NPIPB11: variants seen among roughly 807,000 people sequenced by gnomAD.
The protein encoded by NPIPB11 is nuclear pore complex interacting protein family member B11.
A neutral mutation model predicts 32.8 loss-of-function variants in NPIPB11; 17 were observed. The observed-to-expected ratio is 0.52, with a 90% CI of 0.35 to 0.78. NPIPB11 has a LOEUF of 0.78. Among genes scored for constraint, NPIPB11 ranks in the 30% least tolerant of loss-of-function variants. NPIPB11 has a pLI of 0.01. For synonymous variants in NPIPB11, 209 were observed against 398.4 expected (o/e 0.52, Z 5.66); for missense variants, 537 against 1,000.4 (o/e 0.54, Z 6.25).
intron 3 of NPIPB11, among the ~76,000 whole-genome samples, chr16:29,392,519 G>C (rs890989019): frequency 1.3e-5 from 2 of 149,762 alleles, no homozygotes; most frequent in South Asian, 2.2e-4. Context: ...AGACTAGCCT[G>C]GCCAACATGG....
chr16:29,390,441 G>C, intron 3 of NPIPB11, 93 bp from the exon 4 acceptor site: 1 of 1,585,252 alleles, frequency 6.3e-7, no homozygotes, highest in Admixed American at 1.7e-5. Context: ...TGGATCACGG[G>C]GTCAGGAGCA....
At chr16:29,397,237 C>A (rs202242056) in intron 2 of NPIPB11, among the ~76,000 whole-genome samples, 4 of 150,620 alleles carry the variant, frequency 2.7e-5, no homozygotes, top group Admixed American at 2.6e-4. Flanking sequence ...TTTTGGTCCA[C>A]TTTGTTTGTT....
chr16:29,396,926 G>C (rs1408356997), intron 2 of NPIPB11, among the ~76,000 whole-genome samples: 2 of 151,868 alleles, frequency 1.3e-5, no homozygotes, highest in Non-Finnish European at 2.9e-5. Flanking sequence ...GAGGCAGGCG[G>C]ATCACGAGGT....
At chr16:29,394,767 A>T (rs558996422) in intron 2 of NPIPB11, among the ~76,000 whole-genome samples, 7 of 143,888 alleles carry the variant, frequency 4.9e-5, no homozygotes, top group African/African-American at 1.3e-4. Context: ...TTTTTTTGAG[A>T]TGGGGTCTCA....
Position 29,397,548 on chromosome 16 carries a change from A to C in NPIPB11, c.121-3472T>G, listed in dbSNP as rs558076723. 1.3e-4 allele frequency: 191 copies of C among 1,510,234 alleles called. 1 individual carries two copies. The highest frequency in any genetic ancestry group is 8.5e-4 in the South Asian group (71 of 83,434). The allele number at this position is 1,510,234 out of a possible 1,614,324, so 93.6% of individuals were successfully genotyped here. A position where few individuals can be genotyped will look rare whatever the true frequency, so the allele number is the denominator to read the frequency against. Reference sequence around the variant, plus strand: ...GCCCAGTAAAAAGGAAGAAACCCCGAGGGTCCAGCGTCTACTCACACGGAT... The same window carrying C: ...GCCCAGTAAAAAGGAAGAAACCCCGCGGGTCCAGCGTCTACTCACACGGAT... On this transcript the variant is annotated intron_variant, in intron 2 of 7. Transcript: ENST00000524087.
At chr16:29,388,953 T>C (rs996379368) in intron 5 of NPIPB11, among the ~76,000 whole-genome samples, 2 of 136,730 alleles carry the variant, frequency 1.5e-5, no homozygotes, top group African/African-American at 5.5e-5. Flanking sequence ...TCCCAGCACA[T>C]TGGGAGGCCG....
chr16:29,401,382 C>T (rs1371586739), intron 2 of NPIPB11, among the ~76,000 whole-genome samples: 1 of 152,090 alleles, frequency 6.6e-6, no homozygotes, highest in Non-Finnish European at 1.5e-5. Context: ...TCAGTTGATT[C>T]TGAGTTCACT....
intron 2 of NPIPB11, among the ~76,000 whole-genome samples, chr16:29,394,299 C>G (rs1156525074): frequency 3.3e-5 from 5 of 152,018 alleles, no homozygotes; most frequent in Non-Finnish European, 7.4e-5. Context: ...GGGGTGTTGT[C>G]TTTCTTGGTA....
chr16:29,400,858 T>G (rs1963971970), intron 2 of NPIPB11, among the ~76,000 whole-genome samples: 1 of 152,060 alleles, frequency 6.6e-6, no homozygotes, highest in Non-Finnish European at 1.5e-5. Context: ...TGTAGGATCA[T>G]CTGGTGAGCA....
At chr16:29,394,429 C>CTTTTT (rs1248252716) in intron 2 of NPIPB11, among the ~76,000 whole-genome samples, 1 of 122,354 alleles carries the variant, frequency 8.2e-6, no homozygotes, top group Admixed American at 8.3e-5. Flanking sequence ...AAAAAAACCT[C>CTTTTT]TTTTTTTTTT....
exon 5 of NPIPB11, chr16:29,389,952 G>T: frequency 6.9e-6 from 11 of 1,591,334 alleles, no homozygotes; most frequent in Non-Finnish European, 8.5e-6. Flanking sequence ...GTTTTCTGGC[G>T]GTCTTCCTCT....
chr16:29,399,744 C>G (rs997040078), intron 2 of NPIPB11, among the ~76,000 whole-genome samples: 7 of 151,316 alleles, frequency 4.6e-5, no homozygotes, highest in East Asian at 4.0e-4. Flanking sequence ...GTTAACAAAA[C>G]TATGGAATTC....
At chr16:29,400,815 C>A (rs1963970659) in intron 2 of NPIPB11, among the ~76,000 whole-genome samples, 2 of 152,182 alleles carry the variant, frequency 1.3e-5, no homozygotes, top group East Asian at 1.9e-4. Flanking sequence ...TACAGGCAGG[C>A]ACAGAGGCAG....
chr16:29,405,955 T>A (rs1266106188), upstream of NPIPB11, among the ~76,000 whole-genome samples: 2 of 152,266 alleles, frequency 1.3e-5, no homozygotes, highest in African/African-American at 2.4e-5. Context: ...AGGGTTAAGG[T>A]TTTTATATCC....
intron 2 of NPIPB11, among the ~76,000 whole-genome samples, chr16:29,399,866 TAGG>T (rs1212540066): frequency 2.6e-4 from 40 of 151,630 alleles, no homozygotes; most frequent in African/African-American, 9.2e-4. Flanking sequence ...ATCACGAGGT[TAGG>T]AGTTCGAGAC....
intron 2 of NPIPB11, among the ~76,000 whole-genome samples, chr16:29,401,742 A>C (rs542548878): frequency 1.4e-4 from 21 of 152,124 alleles, no homozygotes; most frequent in Admixed American, 6.5e-5. Context: ...GGAGCCATTG[A>C]GACTGGCCAC....
Position 29,383,412 on chromosome 16 carries a change from AGCGGCCCCCGCAGATGCTCG to A in NPIPB11, c.1500_1519del (p.Glu501SerfsTer6). 4.2e-6 allele frequency: 1 copy of A among 235,328 alleles called. No homozygotes were observed. Among genetic ancestry groups the A allele is most frequent in the Non-Finnish European group, 6.6e-6 (1 of 151,962 alleles). The allele number at this position is 235,328 out of a possible 1,614,324, so 14.6% of individuals were successfully genotyped here. A position where few individuals can be genotyped will look rare whatever the true frequency, so the allele number is the denominator to read the frequency against. ...GAGATTATCATCCGCTGAGGGTGGA[AGCGGCCCCCGCAGATGCTCG>A]GCAGGTGTCTTGATATTATCATCTG... On this transcript the variant is annotated frameshift_variant, in exon 8 of 8. Coordinates refer to ENST00000524087, the Ensembl canonical transcript of NPIPB11. LOFTEE classifies it low-confidence loss of function (END_TRUNC).
intron 2 of NPIPB11, chr16:29,397,459 C>T: frequency 2.6e-6 from 3 of 1,158,430 alleles, no homozygotes; most frequent in East Asian, 3.6e-5. Flanking sequence ...GATCTGCCCA[C>T]CTCGGCCCCC....
At chr16:29,382,226 T>G (rs774032366) in exon 8 of NPIPB11, 1 of 1,505,644 alleles carries the variant, frequency 6.6e-7, no homozygotes, top group Non-Finnish European at 8.8e-7. Context: ...TGAGCTGACG[T>G]TTGGAAGGTG....
Sources: gnomAD v4.1 joint callset for allele counts (sites outside exome capture counted in the v4.1 genomes callset) on GRCh38, gnomAD v4.1.1 for gene constraint, MANE v1.5 for transcripts, NCBI Gene and HGNC (gene_info 2026-07-23, HGNC 2026-07-21) for gene names.